MALRD1: variants seen among roughly 807,000 people sequenced by gnomAD.
The protein encoded by MALRD1 is MAM and LDL-receptor class A domain-containing protein 1.
Under a neutral mutation model 242.1 loss-of-function variants are expected in MALRD1, and 247 were observed. The ratio of observed to expected loss-of-function variants is 1.02; its 90% confidence interval spans 0.92 to 1.13. The LOEUF (loss-of-function observed/expected upper bound fraction) is 1.13, where lower values mean the gene tolerates loss of function less well. Among genes scored for constraint, MALRD1 ranks in the 50% most tolerant of loss-of-function variants. The probability of loss-of-function intolerance (pLI) is 0.00; values close to 1 mark genes in which losing one functional copy is unlikely to be tolerated. For synonymous variants in MALRD1, 995 were observed against 866.6 expected (o/e 1.15, Z -2.60); for missense variants, 2,989 against 2,533.1 (o/e 1.18, Z -3.86).
At chr10:19,048,442 A>G (rs938923325), upstream of MALRD1, among the ~76,000 whole-genome samples, 2 of 152,242 alleles carry the variant, frequency 1.3e-5, no homozygotes, top group African/African-American at 4.8e-5. Context: ...TTTTATTTTC[A>G]TAGAGCAATT....
In MALRD1 at chr10:19,525,519, G is replaced by A. The variant is rs574045695; in HGVS notation, c.5321-5675G>A. Among the ~76,000 whole-genome samples the A allele has an allele frequency of 7.2e-5, 11 of 152,206 alleles. No individual in the cohort carries two copies. In the South Asian group the frequency reaches 1.2e-3, roughly 17 times the overall value. On this transcript the variant is annotated intron_variant, in intron 31 of 39. Transcript: ENST00000454679. ...ATACTATTGTATTTGACATTAAGCA[G>A]CTACAATTTTCAAAAATGTGTGCAA...
chr10:19,430,235 C>T (rs1834071096), intron 28 of MALRD1, among the ~76,000 whole-genome samples: 2 of 150,542 alleles, frequency 1.3e-5, no homozygotes, highest in South Asian at 2.1e-4. Flanking sequence ...CTGCCTGAGC[C>T]TCCCAAGTAG....
At chr10:19,096,950 G>A (rs1320340393) in intron 4 of MALRD1, among the ~76,000 whole-genome samples, 2 of 152,176 alleles carry the variant, frequency 1.3e-5, no homozygotes, top group African/African-American at 4.8e-5. Flanking sequence ...TGAAATTGAA[G>A]CAGGTTAACT....
intron 14 of MALRD1, among the ~76,000 whole-genome samples, chr10:19,200,056 A>C (rs1257683454): frequency 2.0e-5 from 3 of 152,108 alleles, no homozygotes; most frequent in Non-Finnish European, 4.4e-5. Flanking sequence ...TGAGCCTGGG[A>C]GGTTGAGGCT....
At chr10:19,384,427 C>G (rs1251905456) in intron 26 of MALRD1, among the ~76,000 whole-genome samples, 1 of 101,342 alleles carries the variant, frequency 9.9e-6, no homozygotes, top group African/African-American at 4.0e-5. Flanking sequence ...TAATATTTAC[C>G]ATATATTATA....
chr10:19,232,557 A>G (rs1292613668), intron 18 of MALRD1, among the ~76,000 whole-genome samples: 1 of 152,172 alleles, frequency 6.6e-6, no homozygotes, highest in Non-Finnish European at 1.5e-5. Flanking sequence ...TCAGAGTGAC[A>G]TGATCATGTG....
intron 18 of MALRD1, among the ~76,000 whole-genome samples, chr10:19,222,722 A>T (rs1013711119): frequency 2.1e-4 from 32 of 152,182 alleles, no homozygotes; most frequent in African/African-American, 7.2e-4. Context: ...AATCATGTGC[A>T]ACATTTTAGA....
At chr10:19,425,974 T>TC (rs1286968137) in intron 28 of MALRD1, among the ~76,000 whole-genome samples, 1 of 152,194 alleles carries the variant, frequency 6.6e-6, no homozygotes, top group African/African-American at 2.4e-5. Context: ...TTATTTTTCT[T>TC]CATCTCTCTC....
At chr10:19,677,091 A>G (rs4291570) in intron 36 of MALRD1, among the ~76,000 whole-genome samples, 95,594 of 151,972 alleles carry the variant, frequency 0.63, 30,745 homozygotes, top group African/African-American at 0.78. Context: ...TTGACTCCAT[A>G]TCTTTGCTAT....
intron 25 of MALRD1, among the ~76,000 whole-genome samples, chr10:19,348,664 A>G (rs144043274): frequency 1.3e-5 from 2 of 152,118 alleles, no homozygotes; most frequent in Admixed American, 6.5e-5. Context: ...TACGATAACT[A>G]TGTATTTACA....
intron 32 of MALRD1, among the ~76,000 whole-genome samples, chr10:19,548,897 G>A (rs974102229): frequency 6.6e-6 from 1 of 152,190 alleles, no homozygotes; most frequent in Non-Finnish European, 1.5e-5. Context: ...ATGTCGAAAG[G>A]TGAGATAGGC....
At chr10:19,353,710 C>T (rs1844498259) in intron 26 of MALRD1, among the ~76,000 whole-genome samples, 1 of 152,204 alleles carries the variant, frequency 6.6e-6, no homozygotes, top group Non-Finnish European at 1.5e-5. Flanking sequence ...AGATACTCTA[C>T]TTCTCCAAGA....
intron 4 of MALRD1, among the ~76,000 whole-genome samples, chr10:19,101,409 A>G (rs985990259): frequency 7.1e-6 from 1 of 141,744 alleles, no homozygotes; most frequent in Non-Finnish European, 1.5e-5. Flanking sequence ...TTATTCATAT[A>G]TTATATATTA....
chr10:19,588,039 T>A (rs1837534239), intron 33 of MALRD1, among the ~76,000 whole-genome samples: 1 of 152,086 alleles, frequency 6.6e-6, no homozygotes, highest in Non-Finnish European at 1.5e-5. Context: ...GTCCTTTATG[T>A]AAAATCACAT....
At chr10:19,263,999 A>G (rs1839865471) in intron 19 of MALRD1, among the ~76,000 whole-genome samples, 1 of 152,152 alleles carries the variant, frequency 6.6e-6, no homozygotes, top group Non-Finnish European at 1.5e-5. Flanking sequence ...ACTTTTTACC[A>G]TTGAGTGTGA....
At chr10:19,375,513 C>G (rs1845557659) in intron 26 of MALRD1, among the ~76,000 whole-genome samples, 1 of 152,072 alleles carries the variant, frequency 6.6e-6, no homozygotes, top group Admixed American at 6.6e-5. Flanking sequence ...ACCTGCAAGG[C>G]CCTGGATAAG....
intron 10 of MALRD1, 95 bp from the exon 11 acceptor site, chr10:19,146,103 T>G (rs2131439741): frequency 1.1e-6 from 1 of 934,772 alleles, no homozygotes; most frequent in East Asian, 3.3e-5. Context: ...CAGAATAATT[T>G]TGCAGGCCTC....
chr10:19,340,573 A>G (rs1843805115), intron 24 of MALRD1, among the ~76,000 whole-genome samples: 1 of 152,142 alleles, frequency 6.6e-6, no homozygotes, highest in Non-Finnish European at 1.5e-5. Flanking sequence ...TGGCCATACA[A>G]AGTCACAAAT....
At chr10:19,634,044 T>A (rs1359554401) in intron 36 of MALRD1, among the ~76,000 whole-genome samples, 1 of 152,018 alleles carries the variant, frequency 6.6e-6, no homozygotes, top group African/African-American at 2.4e-5. Context: ...TTTTGCCATG[T>A]TGGCTAGGCT....
Sources: gnomAD v4.1 joint callset for allele counts (sites outside exome capture counted in the v4.1 genomes callset) on GRCh38, gnomAD v4.1.1 for gene constraint, MANE v1.5 for transcripts, NCBI Gene and HGNC (gene_info 2026-07-23, HGNC 2026-07-21) for gene names.